WDR37: variants seen among roughly 807,000 people sequenced by gnomAD.
WDR37 encodes WD repeat-containing protein 37.
In WDR37, 19 loss-of-function variants were observed where a neutral mutation model predicts 62.9. The observed-to-expected ratio is 0.30, with a 90% CI of 0.21 to 0.44. WDR37 has a LOEUF of 0.44. WDR37 is among the 20% of genes least tolerant of loss of function. The pLI is 1.00. For missense variants in WDR37, 474 were observed against 657.6 expected (o/e 0.72, Z 3.05); for synonymous variants, 250 against 260.9 (o/e 0.96, Z 0.40).
At chr10:1,073,970 A>G (rs928416066) in intron 2 of WDR37, among the ~76,000 whole-genome samples, 1 of 152,210 alleles carries the variant, frequency 6.6e-6, no homozygotes, top group Admixed American at 6.5e-5. Flanking sequence ...CAGCAGAGCT[A>G]TGCGGCAGGA....
In WDR37 at chr10:1,103,590, C is replaced by T. The variant is rs780599347; in HGVS notation, c.727-12C>T. On this transcript the variant is annotated splice_polypyrimidine_tract_variant and intron_variant, in intron 9 of 13. Transcript: ENST00000263150. The surrounding 1 kb of genome is among the most constrained non-coding windows in gnomAD (Gnocchi z 6.3). ...AAATGTCTTTCTTTTCTGGCCTTCC[C>T]TTTGGCAGCAGATATCTGGGGAAGA... 5 of 1,612,016 alleles carry T rather than the reference C, an allele frequency of 3.1e-6. No homozygotes were observed. In the Admixed American group the frequency reaches 8.3e-5, roughly 27 times the overall value.
Position 1,123,895 on chromosome 10 carries a change from C to T in WDR37, c.1104-323C>T, listed in dbSNP as rs141289932. The T allele has an allele frequency of 4.6e-3, 1,127 of 242,790 alleles. 10 individuals are homozygous for T. The highest frequency in any genetic ancestry group is 0.028 in the Middle Eastern group (21 of 760). 15.0% of individuals were successfully genotyped at this position (242,790 alleles called of 1,614,324 possible). A position where few individuals can be genotyped will look rare whatever the true frequency, so the allele number is the denominator to read the frequency against. The stretch of plus-strand genomic sequence containing the variant: ...GTTGTTGGAATGGATTTTTTAAATT[C>T]TCTGCCATAGACCCAGATGTGTAGA... On this transcript the variant is annotated intron_variant, in intron 11 of 13. Transcript: ENST00000263150.
intron 13 of WDR37, 146 bp from the exon 14 acceptor site, chr10:1,129,067 G>C (rs376757633): frequency 1.8e-6 from 2 of 1,134,040 alleles, no homozygotes; most frequent in Non-Finnish European, 2.4e-6. Flanking sequence ...GTCCGTGCTC[G>C]GTGGTCCATG....
chr10:1,057,861 T>G (rs1205931880), intron 1 of WDR37, among the ~76,000 whole-genome samples: 2 of 152,238 alleles, frequency 1.3e-5, no homozygotes, highest in Non-Finnish European at 2.9e-5. Flanking sequence ...TCTCTTAAAT[T>G]CAGTATGTTG....
chr10:1,124,326 T>A lies in WDR37; in HGVS notation c.1212T>A (p.Thr404=), dbSNP rs1414063237. The A allele has an allele frequency of 6.2e-7, 1 of 1,614,240 alleles. No homozygotes were observed. Among genetic ancestry groups the A allele is most frequent in the South Asian group, 1.1e-5 (1 of 91,086 alleles). ...AAAATATGAGATCCCCCATTGCAAC[T>A]ATTCGCACGGACTCTGCCATTAACA... is the stretch of plus-strand genomic sequence containing the variant. The part of the protein sequence containing the change: ...DLKNMRSPIA[T]IRTDSAINRI... Residue 404 remains threonine (T), a synonymous_variant, in exon 12 of 14, where the codon ACT becomes ACA. Coordinates refer to ENST00000263150, the MANE Select transcript of WDR37 (RefSeq NM_014023.4).
chr10:1,072,440 G>T, intron 2 of WDR37, 147 bp downstream of exon 2: 1 of 1,112,566 alleles, frequency 9.0e-7, no homozygotes. Context: ...TCAGCCTACT[G>T]AGTAGCTGGG....
intron 11 of WDR37, among the ~76,000 whole-genome samples, chr10:1,117,994 C>A: frequency 7.2e-6 from 1 of 138,352 alleles, no homozygotes; most frequent in African/African-American, 2.8e-5. Flanking sequence ...CCACCCTCAG[C>A]CAGCCCTACT....
chr10:1,083,565 G>A (rs1453129497), intron 5 of WDR37, among the ~76,000 whole-genome samples: 1 of 152,164 alleles, frequency 6.6e-6, no homozygotes, highest in Non-Finnish European at 1.5e-5. Context: ...CTTAACAGCT[G>A]GACAGCTGTT....
chr10:1,119,607 C>T (rs1214711198), intron 11 of WDR37, among the ~76,000 whole-genome samples: 2 of 152,172 alleles, frequency 1.3e-5, no homozygotes, highest in Non-Finnish European at 2.9e-5. Flanking sequence ...GCTGTGGTGC[C>T]TGTTGGCAGC....
intron 5 of WDR37, among the ~76,000 whole-genome samples, 177 bp from the exon 6 acceptor site, chr10:1,084,226 G>A (rs538428811): frequency 5.3e-5 from 8 of 152,178 alleles, no homozygotes; most frequent in African/African-American, 9.7e-5. Flanking sequence ...AGCTGAACCC[G>A]CCACCCTTTC....
rs773559974 is a variant in WDR37 at position 1,129,412 on chromosome 10, G to C, written c.*68G>C. 105 of 1,586,668 alleles carry C rather than the reference G, an allele frequency of 6.6e-5. No homozygotes were observed. The highest frequency in any genetic ancestry group is 8.8e-5 in the Non-Finnish European group (102 of 1,162,418). On this transcript the variant is annotated 3_prime_UTR_variant, in exon 14 of 14. Coordinates refer to ENST00000263150, the MANE Select transcript of WDR37 (RefSeq NM_014023.4). ...CTTTGATGGGTGCAGGCTTTTCTGC[G>C]TATTAATCAGCCATTTTTGTGAGAG... is the stretch of plus-strand genomic sequence containing the variant.
chr10:1,116,039 C>T (rs1835383274), intron 11 of WDR37, among the ~76,000 whole-genome samples: 1 of 152,180 alleles, frequency 6.6e-6, no homozygotes, highest in African/African-American at 2.4e-5. Context: ...GGTGTGAGTG[C>T]AGTTTTGCTA....
Position 1,129,205 on chromosome 10 carries a change from A to C in WDR37, c.1354-8A>C. ...TGCACTGATTTTGGTTTGTTTGATC[A>C]TCACTAGGGCCACAGGAGAATGGTA... On this transcript the variant is annotated splice_polypyrimidine_tract_variant and splice_region_variant and intron_variant, in intron 13 of 13. Transcript: ENST00000263150. 6.2e-7 allele frequency: 1 copy of C among 1,610,652 alleles called. No homozygotes were observed. The highest frequency in any genetic ancestry group is 8.5e-7 in the Non-Finnish European group (1 of 1,177,746).
chr10:1,059,779 A>G (rs1833314237), intron 1 of WDR37, among the ~76,000 whole-genome samples: 1 of 152,216 alleles, frequency 6.6e-6, no homozygotes, highest in African/African-American at 2.4e-5. Flanking sequence ...CCTGGGCGAC[A>G]GAGCGAGACT....
intron 13 of WDR37, among the ~76,000 whole-genome samples, chr10:1,126,347 A>T (rs900563184): frequency 2.0e-5 from 3 of 149,764 alleles, no homozygotes; most frequent in African/African-American, 7.5e-5. Flanking sequence ...CGGAGCTTGC[A>T]GTGAGCTGAG....
chr10:1,079,457 G>GACCCTGATAGCAGTGTCTTCCAC (rs146023579), intron 3 of WDR37, among the ~76,000 whole-genome samples: 1,657 of 152,242 alleles, frequency 0.011, 75 homozygotes, highest in East Asian at 0.098. Context: ...CTGTCTTTGA[G>GACCCTGATAGCAGTGTCTTCCAC]ACCCTGATAG....
intron 2 of WDR37, among the ~76,000 whole-genome samples, 200 bp downstream of exon 2, chr10:1,072,493 T>G (rs1239356011): frequency 2.0e-5 from 3 of 152,188 alleles, no homozygotes; most frequent in Non-Finnish European, 4.4e-5. Context: ...TTTGTATTTT[T>G]AGTAGAGACA....
In WDR37 at chr10:1,084,456, G is replaced by A; in HGVS notation, c.450G>A (p.Lys150=). 6.2e-7 allele frequency: 1 copy of A among 1,614,220 alleles called. No homozygotes were observed. Among genetic ancestry groups the A allele is most frequent in the Non-Finnish European group, 8.5e-7 (1 of 1,180,032 alleles). The stretch of plus-strand genomic sequence containing the variant: ...CGAGAGCTGCCTGCCAGCTCGTGAA[G>A]GAGTACATCGGCCACCGGGACGGCA... ...TTSRAACQLV[K]EYIGHRDGIW... Residue 150 remains lysine, a synonymous_variant, in exon 6 of 14, where the codon AAG becomes AAA. Coordinates refer to ENST00000263150, the MANE Select transcript of WDR37 (RefSeq NM_014023.4).
At chr10:1,072,077 C>A in intron 1 of WDR37, 39 bp from the exon 2 acceptor site, 1 of 1,514,446 alleles carries the variant, frequency 6.6e-7, no homozygotes, top group Non-Finnish European at 8.9e-7. Context: ...TGTTTCAACT[C>A]GCTGTATCAG....
Sources: allele counts gnomAD v4.1 joint callset (sites outside exome capture counted in the v4.1 genomes callset), GRCh38; gene constraint gnomAD v4.1.1; non-coding constraint Gnocchi (gnomAD v3.1); transcripts MANE v1.5; gene names NCBI Gene and HGNC (gene_info 2026-07-23, HGNC 2026-07-21).